Variants in IL3RA observed in about 807,000 individuals in gnomAD.
IL3RA encodes the protein interleukin-3 receptor subunit alpha.
IL3RA carries 73 observed loss-of-function variants against 52.3 expected under a neutral mutation model. The ratio of observed to expected loss-of-function variants is 1.40; its 90% CI spans 1.16 to 1.70. The LOEUF (loss-of-function observed/expected upper bound fraction) is 1.70. Ranked by LOEUF, IL3RA falls within the 40% of genes most tolerant of loss-of-function variation. The probability of loss-of-function intolerance (pLI) is 0.00; values close to 1 mark genes in which losing one functional copy is unlikely to be tolerated. For synonymous variants in IL3RA, 260 were observed against 194.0 expected (o/e 1.34, Z -2.83); for missense variants, 664 against 504.4 (o/e 1.32, Z -3.03).
chrX:1,348,619 G>A (rs1179449341), intron 4 of IL3RA, 74 bp downstream of exon 4: 50 of 955,602 alleles, frequency 5.2e-5, no homozygotes, highest in East Asian at 1.0e-4. Flanking sequence ...TCTCGCCTTC[G>A]CTGTGTCTTT....
chrX:1,361,611 G>A (rs1294172348), intron 8 of IL3RA, among the ~76,000 whole-genome samples: 17 of 152,018 alleles, frequency 1.1e-4, no homozygotes, highest in African/African-American at 3.9e-4. Flanking sequence ...TTACCCAGAC[G>A]TGGTGGTGGC....
In IL3RA at chrX:1,349,903, C is replaced by G. The variant is rs2086006429; in HGVS notation, c.298+1358C>G. ...TCCTGACCTTGTGATCCACCCGCCT[C>G]AGCCTCCCAAAGTGCTGGGATGACA... is the stretch of plus-strand genomic sequence containing the variant. On this transcript the variant is annotated intron_variant, in intron 4 of 11. Transcript: ENST00000331035. 2.0e-5 allele frequency among the ~76,000 whole-genome samples: 3 copies of G among 152,072 alleles called. No individual in the cohort carries two copies. In the South Asian group the frequency reaches 6.2e-4, roughly 32 times the overall value.
intron 8 of IL3RA, among the ~76,000 whole-genome samples, chrX:1,364,315 A>G (rs1315916844): frequency 6.6e-6 from 1 of 151,352 alleles, no homozygotes; most frequent in Non-Finnish European, 1.5e-5. Flanking sequence ...AACATGGAGA[A>G]ACCCCGACTC....
At chrX:1,356,383 C>T in intron 7 of IL3RA, 47 bp downstream of exon 7, 2 of 1,281,498 alleles carry the variant, frequency 1.6e-6, no homozygotes, top group Non-Finnish European at 2.2e-6. Context: ...GTGGACATCC[C>T]TTATTTTTGG....
chrX:1,380,566 G>A (rs1369023636), intron 10 of IL3RA, among the ~76,000 whole-genome samples: 1 of 23,762 alleles, frequency 4.2e-5, no homozygotes, highest in Non-Finnish European at 7.8e-5. Context: ...GAGGAGAGGC[G>A]AGGGGGAGGG....
chrX:1,345,545 G>A (rs751925561), intron 3 of IL3RA, 111 bp downstream of exon 3: 33 of 664,906 alleles, frequency 5.0e-5, no homozygotes, highest in Middle Eastern at 4.9e-4. Context: ...GCTGGACTGC[G>A]GTGACCCGAT....
chrX:1,364,490 T>C (rs2087753695), intron 8 of IL3RA, among the ~76,000 whole-genome samples: 1 of 152,178 alleles, frequency 6.6e-6, no homozygotes, highest in Non-Finnish European at 1.5e-5. Context: ...AAACTCTGTC[T>C]CAAAACAAAA....
chrX:1,362,199 C>A (rs1269413584), intron 8 of IL3RA, among the ~76,000 whole-genome samples: 1 of 148,626 alleles, frequency 6.7e-6, no homozygotes, highest in Non-Finnish European at 1.5e-5. Flanking sequence ...TCTGTCTCTC[C>A]GTTTCTGTCT....
At chrX:1,343,113 T>G (rs1402149702) in intron 2 of IL3RA, among the ~76,000 whole-genome samples, 2 of 151,794 alleles carry the variant, frequency 1.3e-5, no homozygotes, top group Non-Finnish European at 1.5e-5. Context: ...TTATAAGAAT[T>G]TTTTTCCCCA....
At chrX:1,380,288 A>C (rs1294219896) in intron 10 of IL3RA, among the ~76,000 whole-genome samples, 1 of 149,396 alleles carries the variant, frequency 6.7e-6, no homozygotes, top group Non-Finnish European at 1.5e-5. Context: ...TGGGCCTCCC[A>C]AAGTGCTGGC....
At chrX:1,348,301 C>A in intron 3 of IL3RA, 130 bp from the exon 4 acceptor site, 3 of 726,794 alleles carry the variant, frequency 4.1e-6, no homozygotes, top group Non-Finnish European at 7.5e-6. Flanking sequence ...TGCAGTGAGC[C>A]GAGATCACGC....
At chrX:1,349,677 T>A (rs2085992652) in intron 4 of IL3RA, among the ~76,000 whole-genome samples, 2 of 151,990 alleles carry the variant, frequency 1.3e-5, no homozygotes, top group Non-Finnish European at 2.9e-5. Context: ...TGTTTGTTTT[T>A]CTGTGATGGA....
chrX:1,377,471 G>A (rs1310627907), intron 9 of IL3RA, among the ~76,000 whole-genome samples: 4 of 151,836 alleles, frequency 2.6e-5, no homozygotes, highest in Non-Finnish European at 5.9e-5. Flanking sequence ...TCATACTCCC[G>A]ACCTCAGGTG....
In IL3RA at chrX:1,362,624, T is replaced by C. The variant is rs748158840; in HGVS notation, c.760-2514T>C. ...GTCTGTTTCTATCTCCGTCCTCCTGTATTAGTCCATTTTCATGGACTAATG... is the reference window on the plus strand; with the variant it reads ...GTCTGTTTCTATCTCCGTCCTCCTGCATTAGTCCATTTTCATGGACTAATG... On this transcript the variant is annotated intron_variant, in intron 8 of 11. Transcript: ENST00000331035. 9.5e-4 allele frequency among the ~76,000 whole-genome samples: 145 copies of C among 152,268 alleles called. 1 individual carries two copies. Among genetic ancestry groups the C allele is most frequent in the African/African-American group, 3.4e-3 (141 of 41,562 alleles).
intron 8 of IL3RA, among the ~76,000 whole-genome samples, chrX:1,360,951 G>C (rs867016500): frequency 0.025 from 633 of 24,840 alleles, 3 homozygotes; most frequent in African/African-American, 0.098. Context: ...CTTCCCCTCT[G>C]TCTCTCTCTC....
Position 1,381,032 on chromosome X carries a change from G to A in IL3RA, c.990G>A (p.Val330=). Residue 330 remains valine, a synonymous_variant, in exon 11 of 12, where the codon GTG becomes GTA. Transcript: ENST00000331035. Reference sequence around the variant, plus strand: ...TTCTCTTTCCTCCGAGGTATCTGGTGATGCAGAGACTCTTTCCCCGCATCC... The same window carrying A: ...TTCTCTTTCCTCCGAGGTATCTGGTAATGCAGAGACTCTTTCCCCGCATCC... ...CVFVICRRYL[V]MQRLFPRIPH... 2 of 1,613,866 alleles carry A rather than the reference G, an allele frequency of 1.2e-6. No homozygotes were observed. The highest frequency in any genetic ancestry group is 1.7e-5 in the Admixed American group (1 of 60,006).
intron 4 of IL3RA, 118 bp downstream of exon 4, chrX:1,348,663 T>C (rs1846235244): frequency 2.2e-6 from 1 of 450,036 alleles, no homozygotes; most frequent in Non-Finnish European, 3.8e-6. Context: ...TCTTTCTTTC[T>C]TTCTTTCTTT....
intron 1 of IL3RA, 130 bp from the exon 2 acceptor site, chrX:1,341,598 C>T (rs1381516456): frequency 1.6e-5 from 11 of 689,428 alleles, no homozygotes; most frequent in Non-Finnish European, 2.8e-5. Context: ...GCACACTCAC[C>T]ACCGCTTTCC....
chrX:1,358,363 A>G lies in IL3RA; in HGVS notation c.733-498A>G, dbSNP rs1482004859. Among the ~76,000 whole-genome samples, 7 of 151,966 alleles carry G rather than the reference A, an allele frequency of 4.6e-5. No individual in the cohort carries two copies. In the South Asian group the frequency reaches 6.2e-4, roughly 14 times the overall value. On this transcript the variant is annotated intron_variant, in intron 7 of 11. Coordinates refer to ENST00000331035, the MANE Select transcript of IL3RA (RefSeq NM_002183.4). The stretch of plus-strand genomic sequence containing the variant: ...CACCAAGGTCTTGCCACAGTGGCCC[A>G]TAAGAAACCTTTTGGGCCAGGCGCG...
Sources: gnomAD v4.1 joint callset for allele counts (sites outside exome capture counted in the v4.1 genomes callset) on GRCh38, gnomAD v4.1.1 for gene constraint, MANE v1.5 for transcripts, NCBI Gene and HGNC (gene_info 2026-07-23, HGNC 2026-07-21) for gene names.